The following C6orf163 variants were observed in gnomAD, a reference collection of about 807,000 sequenced individuals.
C6orf163 encodes the protein chromosome 6 open reading frame 163.
A neutral mutation model predicts 28.4 loss-of-function variants in C6orf163; 22 were observed. The ratio of observed to expected loss-of-function variants is 0.78; its 90% confidence interval spans 0.55 to 1.11. The LOEUF (loss-of-function observed/expected upper bound fraction) is 1.11, where lower values mean the gene tolerates loss of function less well. Among genes scored for constraint, C6orf163 ranks in the 50% least tolerant of loss-of-function variants. C6orf163 has a pLI of 0.00. For synonymous variants in C6orf163, 110 were observed against 123.6 expected, an observed-to-expected ratio of 0.89 and a Z score of 0.73; for missense variants, 342 against 389.1, an observed-to-expected ratio of 0.88 and a Z score of 1.02.
At chr6:87,358,605 CA>C (rs111758511) in intron 4 of C6orf163, 5,355 of 112,850 alleles carry the variant, frequency 0.047, 318 homozygotes, top group African/African-American at 0.15. Flanking sequence ...AGACTTGTCT[CA>C]AAAAAAAAAA....
intron 4 of C6orf163, chr6:87,358,513 A>G (rs1038165126): frequency 4.6e-5 from 7 of 152,270 alleles, no homozygotes; most frequent in East Asian, 1.9e-4. Context: ...AGACTGAGGC[A>G]GAAGAATGGC....
rs1443042883 is a variant in C6orf163 at position 87,364,965 on chromosome 6, G to A, written c.559G>A (p.Ala187Thr). 1 of 1,539,468 alleles carries A rather than the reference G, an allele frequency of 6.5e-7. No homozygotes were observed. Reference sequence around the variant, plus strand: ...AATCCATATTATCTTTTGTAGCAAAGCCGTGGAGGAAATTGTGAATACTGG... The same window carrying A: ...AATCCATATTATCTTTTGTAGCAAAACCGTGGAGGAAATTGTGAATACTGG... ...QEAIQAQKSK[A>T]VEEIVNTGVT... The change falls in exon 5 of 5, where the codon GCC (alanine) becomes ACC (threonine). Residue 187 changes from alanine (A) to threonine (T), a missense_variant. Ala to Thr is a moderately conservative substitution (Grantham distance 58). Transcript: ENST00000388923.
At chr6:87,348,303 C>T (rs930635504) in intron 1 of C6orf163, 1 of 985,258 alleles carries the variant, frequency 1.0e-6, no homozygotes. Context: ...AGATCATTGA[C>T]AGAAAAATAG....
intron 4 of C6orf163, among the ~76,000 whole-genome samples, chr6:87,359,557 T>C (rs181897196): frequency 2.0e-5 from 3 of 152,302 alleles, no homozygotes; most frequent in Admixed American, 2.0e-4. Flanking sequence ...GTACTAACAG[T>C]CCTATAGTTC....
At chr6:87,361,591 C>G (rs1273145062) in intron 4 of C6orf163, among the ~76,000 whole-genome samples, 1 of 152,158 alleles carries the variant, frequency 6.6e-6, no homozygotes, top group African/African-American at 2.4e-5. Flanking sequence ...GGAGATTGGT[C>G]CCTGGTCATC....
intron 3 of C6orf163, among the ~76,000 whole-genome samples, chr6:87,354,530 T>G (rs1405432023): frequency 6.6e-6 from 1 of 152,244 alleles, no homozygotes; most frequent in East Asian, 1.9e-4. Context: ...TTTAGAAACA[T>G]TTCCATTCAA....
chr6:87,356,668 A>G (rs572644999), intron 4 of C6orf163, among the ~76,000 whole-genome samples, 165 bp downstream of exon 4: 81 of 152,322 alleles, frequency 5.3e-4, no homozygotes, highest in African/African-American at 1.9e-3. Context: ...ATTGTAGAGT[A>G]TGTGTGTGGT....
intron 4 of C6orf163, among the ~76,000 whole-genome samples, chr6:87,364,286 A>AT (rs1310124460): frequency 6.6e-6 from 1 of 151,756 alleles, no homozygotes; most frequent in Non-Finnish European, 1.5e-5. Flanking sequence ...CTGTCTCAAA[A>AT]AAAAAGTTAA....
chr6:87,360,541 TACTCA>T (rs1777566443), intron 4 of C6orf163, among the ~76,000 whole-genome samples: 1 of 151,188 alleles, frequency 6.6e-6, no homozygotes, highest in African/African-American at 2.4e-5. Context: ...GGATTGCAGG[TACTCA>T]CTCACCACCA....
intron 1 of C6orf163, 102 bp downstream of exon 1, chr6:87,345,349 G>C (rs1296608589): frequency 5.9e-6 from 7 of 1,193,450 alleles, no homozygotes; most frequent in Non-Finnish European, 3.4e-6. Flanking sequence ...CTTCAGAGTT[G>C]CTTGTCCCTA....
At chr6:87,355,882 C>T (rs1281186519) in intron 3 of C6orf163, among the ~76,000 whole-genome samples, 4 of 152,142 alleles carry the variant, frequency 2.6e-5, no homozygotes, top group Non-Finnish European at 5.9e-5. Context: ...CCTTAGTTCC[C>T]TCCTACCCAG....
intron 3 of C6orf163, among the ~76,000 whole-genome samples, chr6:87,354,549 T>C (rs994966729): frequency 2.6e-5 from 4 of 152,204 alleles, no homozygotes; most frequent in Non-Finnish European, 5.9e-5. Flanking sequence ...AAAATATTCT[T>C]TTGTCAAAAA....
chr6:87,346,169 A>C (rs1777320808), intron 1 of C6orf163, among the ~76,000 whole-genome samples: 5 of 152,124 alleles, frequency 3.3e-5, no homozygotes, highest in Admixed American at 2.6e-4. Context: ...GAACTCTCAC[A>C]ATACTTCTCT....
intron 4 of C6orf163, chr6:87,358,074 A>G (rs960737328): frequency 1.1e-4 from 17 of 152,208 alleles, no homozygotes; most frequent in African/African-American, 3.9e-4. Flanking sequence ...ATTTCTAGAA[A>G]GTACTAGATT....
chr6:87,346,880 CT>C (rs1196147963), intron 1 of C6orf163, among the ~76,000 whole-genome samples: 1 of 152,208 alleles, frequency 6.6e-6, no homozygotes, highest in African/African-American at 2.4e-5. Context: ...CAGAGTTCCC[CT>C]GTACCCTTCA....
chr6:87,360,822 T>A (rs1483072023), intron 4 of C6orf163, among the ~76,000 whole-genome samples: 1 of 152,218 alleles, frequency 6.6e-6, no homozygotes, highest in Admixed American at 6.5e-5. Flanking sequence ...CATTCATACA[T>A]TTATTGATTG....
Position 87,351,362 on chromosome 6 carries a change from C to T in C6orf163, c.351+861C>T, listed in dbSNP as rs188402522. ...TAATGAGCAGTTCAGGGACTGCAGG[C>T]CAATTTATTCGTTGTTGCAACAATG... is the stretch of plus-strand genomic sequence containing the variant. On this transcript the variant is annotated intron_variant, in intron 3 of 4. Coordinates refer to ENST00000388923, the MANE Select transcript of C6orf163 (RefSeq NM_001010868.3). 5.3e-5 allele frequency among the ~76,000 whole-genome samples: 8 copies of T among 152,292 alleles called. No homozygotes were observed. In the East Asian group the frequency reaches 1.5e-3, roughly 29 times the overall value.
At chr6:87,351,721 A>T (rs146008793) in intron 3 of C6orf163, among the ~76,000 whole-genome samples, 67 of 152,360 alleles carry the variant, frequency 4.4e-4, no homozygotes, top group African/African-American at 1.6e-3. Flanking sequence ...GTTGATAAAT[A>T]GTTACCCGCT....
rs536971021 is a variant in C6orf163, at chr6:87,356,707, A to C, written c.554+204A>C. The C allele has an allele frequency of 1.5e-5, 8 of 538,884 alleles. No individual in the cohort carries two copies. The Admixed American group carries it at 2.6e-4, about 18-fold the overall frequency. The allele number at this position is 538,884 out of a possible 1,614,324, so 33.4% of individuals were successfully genotyped here. On this transcript the variant is annotated intron_variant, in intron 4 of 4. Transcript: ENST00000388923. ...AAGAAAAATAATAACATAAATACTC[A>C]AAAACCTACCACCCAGCTTAAGGGA...
Sources: allele counts gnomAD v4.1 joint callset (sites outside exome capture counted in the v4.1 genomes callset), GRCh38; gene constraint gnomAD v4.1.1; transcripts MANE v1.5; gene names NCBI Gene and HGNC (gene_info 2026-07-23, HGNC 2026-07-21).